LRRK1: variants seen among roughly 807,000 people sequenced by gnomAD.
LRRK1 encodes the protein leucine-rich repeat serine/threonine-protein kinase 1.
Under a neutral mutation model 209.1 loss-of-function variants are expected in LRRK1, and 113 were observed. That is an observed-to-expected ratio of 0.54 (90% CI 0.46 to 0.63). LRRK1 has a LOEUF of 0.63. LRRK1 is among the 30% of genes least tolerant of loss of function. The probability of loss-of-function intolerance (pLI) is 0.00; values close to 1 mark genes in which losing one functional copy is unlikely to be tolerated. For missense variants in LRRK1, 2,284 were observed against 2,632.2 expected, an observed-to-expected ratio of 0.87 and a Z score of 2.89; for synonymous variants, 1,144 against 1,099.7, an observed-to-expected ratio of 1.04 and a Z score of -0.80.
At chr15:101,025,076 C>T (rs2033964132) in intron 16 of LRRK1, 109 bp downstream of exon 16, 1 of 1,110,772 alleles carries the variant, frequency 9.0e-7, no homozygotes, top group East Asian at 2.4e-5. Context: ...GTTATGTTGC[C>T]ACAGAGGGCC....
At chr15:100,985,141 T>C (rs1021140474) in intron 4 of LRRK1, among the ~76,000 whole-genome samples, 1 of 19,874 alleles carries the variant, frequency 5.0e-5, no homozygotes, top group Admixed American at 7.1e-4. Flanking sequence ...GTTCCCCTCA[T>C]GTGTCTGAAC....
At chr15:100,989,140 A>T in intron 5 of LRRK1, 110 bp from the exon 6 acceptor site, 1 of 966,366 alleles carries the variant, frequency 1.0e-6, no homozygotes, top group East Asian at 2.4e-5. Flanking sequence ...GAGAAGTCCA[A>T]CATGCACAAG....
chr15:100,987,618 T>A (rs2141668550), intron 4 of LRRK1, among the ~76,000 whole-genome samples: 1 of 152,296 alleles, frequency 6.6e-6, no homozygotes, highest in South Asian at 2.1e-4. Context: ...AAAGTGTCAG[T>A]ACTTTAATAA....
intron 2 of LRRK1, among the ~76,000 whole-genome samples, chr15:100,943,598 C>A (rs2042482747): frequency 6.6e-6 from 1 of 150,744 alleles, no homozygotes; most frequent in Non-Finnish European, 1.5e-5. Context: ...AGATAATGTC[C>A]CTTTTTACTT....
At chr15:101,004,395 A>T (rs1171672186) in intron 6 of LRRK1, among the ~76,000 whole-genome samples, 1 of 151,872 alleles carries the variant, frequency 6.6e-6, no homozygotes, top group Non-Finnish European at 1.5e-5. Context: ...AGGATGATTG[A>T]TCTGGTAAGA....
intron 3 of LRRK1, among the ~76,000 whole-genome samples, chr15:100,978,215 T>C (rs1291237294): frequency 1.3e-5 from 2 of 151,326 alleles, no homozygotes; most frequent in African/African-American, 4.9e-5. Flanking sequence ...CAAAAGAAAA[T>C]AGACTGAACA....
intron 12 of LRRK1, among the ~76,000 whole-genome samples, chr15:101,019,356 T>A (rs2033677210): frequency 6.6e-6 from 1 of 152,154 alleles, no homozygotes; most frequent in Admixed American, 6.5e-5. Flanking sequence ...CAGGCTAATA[T>A]TGATCATCTT....
chr15:101,058,902 A>G (rs374253694), intron 29 of LRRK1, among the ~76,000 whole-genome samples: 36 of 152,282 alleles, frequency 2.4e-4, no homozygotes, highest in African/African-American at 8.2e-4. Flanking sequence ...AGTCGGTAGT[A>G]AAGACGGCAT....
intron 12 of LRRK1, among the ~76,000 whole-genome samples, chr15:101,019,491 A>G (rs2033683481): frequency 1.3e-5 from 2 of 152,196 alleles, no homozygotes; most frequent in African/African-American, 4.8e-5. Context: ...AGTGAGTCCC[A>G]TTCACAGTAC....
intron 2 of LRRK1, among the ~76,000 whole-genome samples, chr15:100,930,733 G>A (rs2042196651): frequency 1.3e-5 from 2 of 152,220 alleles, no homozygotes; most frequent in Admixed American, 1.3e-4. Flanking sequence ...AGATGTCCAT[G>A]TGGGCCTCCC....
chr15:101,006,512 A>G (rs1179519925), intron 6 of LRRK1, among the ~76,000 whole-genome samples: 1 of 152,278 alleles, frequency 6.6e-6, no homozygotes, highest in Non-Finnish European at 1.5e-5. Flanking sequence ...AGATCAGGAC[A>G]CAAAATAGTT....
chr15:100,974,007 C>T (rs2141653899), intron 3 of LRRK1, 40 bp downstream of exon 3: 1 of 1,240,032 alleles, frequency 8.1e-7, no homozygotes, highest in African/African-American at 1.6e-5. Flanking sequence ...CATGCAGCCC[C>T]GGGCTGGACG....
At chr15:100,965,988 A>G (rs2030429582) in intron 2 of LRRK1, among the ~76,000 whole-genome samples, 2 of 152,206 alleles carry the variant, frequency 1.3e-5, no homozygotes, top group South Asian at 4.1e-4. Context: ...TGTTTGCTCC[A>G]TTTTATTTTT....
At position 101,021,974 on chromosome 15, in the gene LRRK1, C is replaced by G. The variant is rs771883360; in HGVS notation, c.1852+17C>G. On this transcript the variant is annotated intron_variant, in intron 14 of 33. Coordinates refer to ENST00000388948, the MANE Select transcript of LRRK1 (RefSeq NM_024652.6). ...AAAAAGAAGGTAGGGCTTCCGCAGC[C>G]CTGTCCCCTGCCATCACCTCTTGGA... The G allele has an allele frequency of 1.3e-6, 2 of 1,550,436 alleles. No individual in the cohort carries two copies. Among genetic ancestry groups the G allele is most frequent in the Non-Finnish European group, 8.9e-7 (1 of 1,123,664 alleles).
rs929331164 is a variant in LRRK1, at chr15:101,076,896, G to A, written c.*8048G>A. The A allele has an allele frequency of 3.3e-5, 5 of 152,158 alleles. No individual in the cohort carries two copies. The highest frequency in any genetic ancestry group is 4.8e-5 in the African/African-American group (2 of 41,442). 9.4% of individuals were successfully genotyped at this position (152,158 alleles called of 1,614,324 possible). A position where few individuals can be genotyped will look rare whatever the true frequency, so the allele number is the denominator to read the frequency against. On this transcript the variant is annotated 3_prime_UTR_variant, in exon 34 of 34. Coordinates refer to ENST00000388948, the MANE Select transcript of LRRK1 (RefSeq NM_024652.6). ...CCACCATGGTCATTTCTTCCCTTCTGTCAAACATAATTCCTCGGTTTGGCC... is the reference window on the plus strand; with the variant it reads ...CCACCATGGTCATTTCTTCCCTTCTATCAAACATAATTCCTCGGTTTGGCC...
At chr15:101,058,649 T>C (rs2035967620) in intron 29 of LRRK1, among the ~76,000 whole-genome samples, 1 of 105,758 alleles carries the variant, frequency 9.5e-6, no homozygotes, top group Admixed American at 9.9e-5. Flanking sequence ...GTTGGGGTTT[T>C]GCCAAAGGGA....
intron 2 of LRRK1, among the ~76,000 whole-genome samples, chr15:100,940,797 A>G (rs540049071): frequency 2.3e-4 from 35 of 152,338 alleles, no homozygotes; most frequent in South Asian, 6.2e-4. Context: ...GATAAGGATG[A>G]ACAGTTGACA....
In LRRK1 at chr15:100,947,652, C is replaced by T. The variant is rs571831672; in HGVS notation, c.97+22923C>T. Among the ~76,000 whole-genome samples the T allele has an allele frequency of 5.6e-4, 86 of 152,256 alleles. 3 individuals are homozygous for T. The highest frequency in any genetic ancestry group is 2.0e-3 in the African/African-American group (82 of 41,544). On this transcript the variant is annotated intron_variant, in intron 2 of 33. Transcript: ENST00000388948. ...TTTATAGTTGCTACGTGGGCAGAAACGCATATGCATTTCCCAGGATGTTTA... is the reference window on the plus strand; with the variant it reads ...TTTATAGTTGCTACGTGGGCAGAAATGCATATGCATTTCCCAGGATGTTTA...
intron 6 of LRRK1, among the ~76,000 whole-genome samples, chr15:101,003,827 G>C (rs903214438): frequency 6.6e-6 from 1 of 152,126 alleles, no homozygotes; most frequent in Non-Finnish European, 1.5e-5. Flanking sequence ...AGCCCACCTT[G>C]TACTTCCCAT....
Sources: allele counts gnomAD v4.1 joint callset (sites outside exome capture counted in the v4.1 genomes callset), GRCh38; gene constraint gnomAD v4.1.1; transcripts MANE v1.5; gene names NCBI Gene and HGNC (gene_info 2026-07-23, HGNC 2026-07-21).